The following SCAPER variants were observed in gnomAD, a reference collection of about 807,000 sequenced individuals.
SCAPER encodes the protein S-phase cyclin A associated protein in the ER, also known as S phase cyclin A-associated protein in the endoplasmic reticulum.
SCAPER carries 98 observed loss-of-function variants against 182.2 expected under a neutral mutation model. The ratio of observed to expected loss-of-function variants is 0.54; its 90% CI spans 0.46 to 0.64. The LOEUF is 0.64. SCAPER is among the 30% of genes least tolerant of loss of function. The probability of loss-of-function intolerance (pLI) is 0.00; values close to 1 mark genes in which losing one functional copy is unlikely to be tolerated. For synonymous variants in SCAPER, 605 were observed against 564.6 expected (o/e 1.07, Z -1.01); for missense variants, 1,432 against 1,690.0 (o/e 0.85, Z 2.68).
At chr15:76,800,558 T>A (rs957276453) in intron 6 of SCAPER, among the ~76,000 whole-genome samples, 194 bp from the exon 7 acceptor site, 1 of 152,184 alleles carries the variant, frequency 6.6e-6, no homozygotes, top group Non-Finnish European at 1.5e-5. Context: ...TGAGAAATCA[T>A]AGTTGATAAA....
At chr15:76,682,068 G>T (rs1374326626) in intron 20 of SCAPER, among the ~76,000 whole-genome samples, 1 of 152,136 alleles carries the variant, frequency 6.6e-6, no homozygotes, top group East Asian at 1.9e-4. Context: ...CCCAACCAGG[G>T]TGCCGCTGGG....
intron 22 of SCAPER, among the ~76,000 whole-genome samples, chr15:76,598,102 AC>A (rs2049640390): frequency 8.4e-6 from 1 of 118,732 alleles, no homozygotes; most frequent in African/African-American, 2.6e-5. Context: ...AAACAAATGT[AC>A]AAGAAAAAAA....
chr15:76,685,133 C>T (rs2057956763), intron 20 of SCAPER, among the ~76,000 whole-genome samples: 1 of 151,658 alleles, frequency 6.6e-6, no homozygotes, highest in Admixed American at 6.6e-5. Flanking sequence ...ACAACAAATC[C>T]ATAAGCCAAT....
intron 20 of SCAPER, among the ~76,000 whole-genome samples, chr15:76,669,474 A>G (rs930553400): frequency 6.6e-6 from 1 of 152,214 alleles, no homozygotes; most frequent in Admixed American, 6.5e-5. Flanking sequence ...TCTCCCAAAG[A>G]CATATGGAAC....
chr15:76,455,367 T>C (rs186338112), intron 25 of SCAPER, among the ~76,000 whole-genome samples: 24 of 152,368 alleles, frequency 1.6e-4, no homozygotes, highest in African/African-American at 5.5e-4. Flanking sequence ...TCTAAATGTA[T>C]ATATGGATCT....
chr15:76,434,053 GT>G, intron 26 of SCAPER, 24 bp downstream of exon 26: 1 of 1,578,794 alleles, frequency 6.3e-7, no homozygotes, highest in Non-Finnish European at 8.7e-7. Flanking sequence ...AAAGAACAAA[GT>G]TTTAAGAACT....
At chr15:76,510,888 T>TGTGTGTGTGTGTGTGCGCGC (rs1491205462) in intron 23 of SCAPER, among the ~76,000 whole-genome samples, 2 of 141,090 alleles carry the variant, frequency 1.4e-5, no homozygotes, top group African/African-American at 5.2e-5. Context: ...TGTGTGTGTG[T>TGTGTGTGTGTGTGTGCGCGC]GCGCGCGCGC....
intron 22 of SCAPER, among the ~76,000 whole-genome samples, chr15:76,583,244 G>A (rs945788506): frequency 1.3e-5 from 2 of 151,858 alleles, no homozygotes; most frequent in African/African-American, 4.8e-5. Flanking sequence ...CCAGCTACTC[G>A]GGAGGCTGAG....
Position 76,598,568 on chromosome 15 carries a change from T to C in SCAPER, c.2711+23196A>G, listed in dbSNP as rs1268386190. Among the ~76,000 whole-genome samples the C allele has an allele frequency of 1.6e-5, 2 of 121,484 alleles. 1 individual carries two copies. The highest frequency in any genetic ancestry group is 4.0e-5 in the Non-Finnish European group (2 of 50,054). 79.7% of individuals were successfully genotyped at this position (121,484 alleles called of 152,430 possible). ...AACCAACCCAAATGCCCATCAATGA[T>C]AGACTGGATAAAGAAAATGTGGCAT... On this transcript the variant is annotated intron_variant, in intron 22 of 31. Coordinates refer to ENST00000563290, the MANE Select transcript of SCAPER (RefSeq NM_020843.4).
chr15:76,432,678 A>G (rs2046946143), intron 26 of SCAPER, among the ~76,000 whole-genome samples: 3 of 152,230 alleles, frequency 2.0e-5, no homozygotes, highest in African/African-American at 7.2e-5. Context: ...TTCAGATGCC[A>G]AAGTAGGAGT....
chr15:76,617,306 T>G (rs1003648643), intron 22 of SCAPER, among the ~76,000 whole-genome samples: 17 of 152,230 alleles, frequency 1.1e-4, no homozygotes, highest in African/African-American at 4.1e-4. Flanking sequence ...GTAATTTAAC[T>G]GCTAGAGTAA....
At chr15:76,431,676 C>CAAAAAAAATAAAAAAAAAAAAAAA (rs2046869789) in intron 26 of SCAPER, among the ~76,000 whole-genome samples, 1 of 47,128 alleles carries the variant, frequency 2.1e-5, no homozygotes, top group Non-Finnish European at 3.5e-5. Context: ...AAATGATTAG[C>CAAAAAAAATAAAAAAAAAAAAAAA]AAAAAAAAAA....
intron 21 of SCAPER, among the ~76,000 whole-genome samples, chr15:76,663,741 T>C (rs1313354367): frequency 6.6e-6 from 1 of 152,030 alleles, no homozygotes; most frequent in Non-Finnish European, 1.5e-5. Context: ...CAAAGAACTT[T>C]ATGGGGAAAT....
rs2049320491 is a variant in SCAPER, at chr15:76,594,022, C to T, written c.2712-19738G>A. On this transcript the variant is annotated intron_variant, in intron 22 of 31. Coordinates refer to ENST00000563290, the MANE Select transcript of SCAPER (RefSeq NM_020843.4). The stretch of plus-strand genomic sequence containing the variant: ...GCTTCAGAAGGTGGGTAATAACAAA[C>T]TCCTCTGAGCTAAAGGAGCATGATA... Among the ~76,000 whole-genome samples, 2 of 120,148 alleles carry T rather than the reference C, an allele frequency of 1.7e-5. 1 individual carries two copies. Among genetic ancestry groups the T allele is most frequent in the Admixed American group, 1.9e-4 (2 of 10,430 alleles). 78.8% of individuals were successfully genotyped at this position (120,148 alleles called of 152,430 possible). A position where few individuals can be genotyped will look rare whatever the true frequency, so the allele number is the denominator to read the frequency against.
At chr15:76,813,342 C>G (rs1488076354) in intron 5 of SCAPER, among the ~76,000 whole-genome samples, 1 of 147,190 alleles carries the variant, frequency 6.8e-6, no homozygotes, top group Non-Finnish European at 1.5e-5. Context: ...TCATAATCAA[C>G]AGTGATCAAT....
intron 24 of SCAPER, among the ~76,000 whole-genome samples, chr15:76,497,001 G>A (rs1414361051): frequency 6.6e-6 from 1 of 151,348 alleles, no homozygotes; most frequent in Non-Finnish European, 1.5e-5. Flanking sequence ...AAGTCCAGGA[G>A]AAAATGAACA....
intron 29 of SCAPER, among the ~76,000 whole-genome samples, chr15:76,367,536 G>A (rs1449010354): frequency 6.6e-6 from 1 of 152,132 alleles, no homozygotes; most frequent in African/African-American, 2.4e-5. Context: ...ACTGAGGTTC[G>A]TGCACACTCC....
At chr15:76,457,335 T>C (rs1027451057) in intron 25 of SCAPER, among the ~76,000 whole-genome samples, 3 of 152,238 alleles carry the variant, frequency 2.0e-5, no homozygotes, top group Admixed American at 6.5e-5. Flanking sequence ...AGAGCTGGGA[T>C]TATAGGCATG....
At chr15:76,515,212 C>T (rs1392793245) in intron 23 of SCAPER, among the ~76,000 whole-genome samples, 1 of 152,182 alleles carries the variant, frequency 6.6e-6, no homozygotes, top group African/African-American at 2.4e-5. Flanking sequence ...TTGGAAGACG[C>T]TCCCTGAGGG....
Sources: gnomAD v4.1 joint callset for allele counts (sites outside exome capture counted in the v4.1 genomes callset) on GRCh38, gnomAD v4.1.1 for gene constraint, MANE v1.5 for transcripts, NCBI Gene and HGNC (gene_info 2026-07-23, HGNC 2026-07-21) for gene names.